NUBPL: variants seen among roughly 807,000 people sequenced by gnomAD.
NUBPL encodes the protein iron-sulfur cluster transfer protein NUBPL.
NUBPL carries 31 observed loss-of-function variants against 45.7 expected under a neutral mutation model. The observed-to-expected ratio is 0.68, with a 90% CI of 0.51 to 0.92. The LOEUF is 0.92. Ranked by LOEUF, NUBPL falls within the 40% of genes least tolerant of loss-of-function variation. The pLI is 0.00. For synonymous variants in NUBPL, 144 were observed against 140.9 expected (o/e 1.02, Z -0.15); for missense variants, 401 against 398.7 (o/e 1.01, Z -0.05).
At chr14:31,798,668 T>C (rs942108368) in intron 7 of NUBPL, among the ~76,000 whole-genome samples, 1 of 150,634 alleles carries the variant, frequency 6.6e-6, no homozygotes, top group South Asian at 2.1e-4. Context: ...GGCGGGCGCC[T>C]GTAGTCCTGG....
chr14:31,698,392 A>G (rs1290587304), intron 6 of NUBPL, among the ~76,000 whole-genome samples: 1 of 151,648 alleles, frequency 6.6e-6, no homozygotes, highest in Admixed American at 6.6e-5. Context: ...ACTATTTTAA[A>G]CTGATGGCGG....
chr14:31,652,075 G>GAT (rs999568682), intron 4 of NUBPL, among the ~76,000 whole-genome samples: 5 of 151,944 alleles, frequency 3.3e-5, no homozygotes, highest in East Asian at 1.9e-4. Flanking sequence ...AAGAAAATGT[G>GAT]ATATATATAC....
chr14:31,623,551 C>T (rs966797619), intron 4 of NUBPL, among the ~76,000 whole-genome samples: 2 of 152,066 alleles, frequency 1.3e-5, no homozygotes, highest in African/African-American at 2.4e-5. Flanking sequence ...CATGCGGGAT[C>T]CCCCCATGAT....
At position 31,748,568 on chromosome 14, in the gene NUBPL, T is replaced by TAAA. The variant is rs2038451468; in HGVS notation, c.514-39210_514-39208dup. On this transcript the variant is annotated intron_variant, in intron 6 of 10. Transcript: ENST00000281081. ...TGTAATGACCTTTTTGGTCTTTTTT[T>TAAA]AAAAGTCAATTTAATCTTATATAAG... is the stretch of plus-strand genomic sequence containing the variant. Among the ~76,000 whole-genome samples, 2 of 152,068 alleles carry TAAA rather than the reference T, an allele frequency of 1.3e-5. 1 individual carries two copies. Among genetic ancestry groups the TAAA allele is most frequent in the African/African-American group, 4.8e-5 (2 of 41,322 alleles).
intron 8 of NUBPL, among the ~76,000 whole-genome samples, chr14:31,831,615 A>G (rs2040195187): frequency 6.6e-6 from 1 of 152,196 alleles, no homozygotes; most frequent in Non-Finnish European, 1.5e-5. Context: ...TGAGTGGAGT[A>G]GGATTTTCAT....
chr14:31,706,618 C>G (rs149816888), intron 6 of NUBPL, among the ~76,000 whole-genome samples: 2 of 152,208 alleles, frequency 1.3e-5, no homozygotes, highest in African/African-American at 4.8e-5. Context: ...AAACAACACT[C>G]TTCCCCTAAG....
intron 6 of NUBPL, among the ~76,000 whole-genome samples, chr14:31,726,036 GT>G (rs1194258449): frequency 1.3e-5 from 2 of 152,074 alleles, no homozygotes; most frequent in Non-Finnish European, 2.9e-5. Context: ...AATTAAAGAT[GT>G]ATTTTATCTA....
intron 7 of NUBPL, among the ~76,000 whole-genome samples, chr14:31,808,291 T>A (rs188460400): frequency 1.3e-5 from 2 of 152,312 alleles, no homozygotes; most frequent in African/African-American, 4.8e-5. Context: ...TATCCTCTTT[T>A]ATTTCATTGA....
intron 6 of NUBPL, among the ~76,000 whole-genome samples, chr14:31,783,418 G>C (rs1210924086): frequency 1.3e-5 from 2 of 151,880 alleles, no homozygotes; most frequent in Non-Finnish European, 2.9e-5. Flanking sequence ...ACTGGCCCAG[G>C]TGTTTTTCAG....
intron 6 of NUBPL, among the ~76,000 whole-genome samples, chr14:31,757,313 TG>T (rs1215740240): frequency 6.6e-6 from 1 of 151,002 alleles, no homozygotes; most frequent in East Asian, 1.9e-4. Flanking sequence ...AGAATTCGGC[TG>T]TGAATCCATC....
chr14:31,792,011 C>A (rs966136438), intron 7 of NUBPL, among the ~76,000 whole-genome samples: 1 of 152,104 alleles, frequency 6.6e-6, no homozygotes, highest in Non-Finnish European at 1.5e-5. Context: ...TTTCTTAAAT[C>A]TCAGAAGGGT....
At chr14:31,818,246 C>A (rs1331992732) in intron 7 of NUBPL, among the ~76,000 whole-genome samples, 3 of 152,128 alleles carry the variant, frequency 2.0e-5, no homozygotes, top group Non-Finnish European at 2.9e-5. Context: ...TTAGACAGAA[C>A]AACGTGACAG....
chr14:31,848,026 A>G (rs2040480534), intron 9 of NUBPL, among the ~76,000 whole-genome samples: 2 of 152,226 alleles, frequency 1.3e-5, no homozygotes, highest in Non-Finnish European at 2.9e-5. Flanking sequence ...GAGCTGAACA[A>G]TTTCCTAAGT....
chr14:31,759,253 G>T (rs1246857783), intron 6 of NUBPL, among the ~76,000 whole-genome samples: 2 of 151,638 alleles, frequency 1.3e-5, no homozygotes, highest in African/African-American at 4.8e-5. Flanking sequence ...GTGGCTTGTC[G>T]TGTAGAAAAC....
chr14:31,664,209 A>G (rs1220067845), intron 4 of NUBPL, among the ~76,000 whole-genome samples: 2 of 152,108 alleles, frequency 1.3e-5, no homozygotes, highest in Non-Finnish European at 2.9e-5. Context: ...CTCTCTTCCT[A>G]TTTGAATACA....
intron 6 of NUBPL, among the ~76,000 whole-genome samples, chr14:31,726,420 T>C (rs2037926195): frequency 6.6e-6 from 1 of 152,220 alleles, no homozygotes; most frequent in Admixed American, 6.5e-5. Context: ...TTATTTTGGC[T>C]CATAAAAATA....
intron 2 of NUBPL, among the ~76,000 whole-genome samples, chr14:31,563,327 A>C (rs1036890620): frequency 2.0e-5 from 3 of 152,190 alleles, no homozygotes; most frequent in Non-Finnish European, 4.4e-5. Flanking sequence ...GTAGGCTGGC[A>C]CTTGTTTAAG....
At chr14:31,580,569 A>G (rs754419193) in intron 3 of NUBPL, among the ~76,000 whole-genome samples, 4 of 152,194 alleles carry the variant, frequency 2.6e-5, no homozygotes, top group Non-Finnish European at 5.9e-5. Flanking sequence ...AGCTATGATC[A>G]CACCACTGTG....
intron 3 of NUBPL, among the ~76,000 whole-genome samples, chr14:31,591,374 C>T (rs2034138425): frequency 6.6e-6 from 1 of 152,102 alleles, no homozygotes; most frequent in African/African-American, 2.4e-5. Context: ...GTTGGCCAGG[C>T]TGCTCTTGAA....
Sources: allele counts gnomAD v4.1 joint callset (sites outside exome capture counted in the v4.1 genomes callset), GRCh38; gene constraint gnomAD v4.1.1; transcripts MANE v1.5; gene names NCBI Gene and HGNC (gene_info 2026-07-23, HGNC 2026-07-21).